The following KIF18A variants were observed in gnomAD, a reference collection of about 807,000 sequenced individuals.
The protein encoded by KIF18A is kinesin family member 18A.
KIF18A carries 67 observed loss-of-function variants against 103.3 expected under a neutral mutation model. The observed-to-expected ratio is 0.65, with a 90% confidence interval of 0.53 to 0.79. KIF18A has a LOEUF of 0.79. Among genes scored for constraint, KIF18A ranks in the 30% least tolerant of loss-of-function variants. KIF18A has a pLI of 0.00. For synonymous variants in KIF18A, 367 were observed against 355.5 expected, an observed-to-expected ratio of 1.03 and a Z score of -0.36; for missense variants, 1,032 against 1,062.5, an observed-to-expected ratio of 0.97 and a Z score of 0.40.
chr11:28,082,894 CTTT>C lies in KIF18A; in HGVS notation c.1221_1223del (p.Lys408del). On this transcript the variant is annotated inframe_deletion, in exon 9 of 17. Coordinates refer to ENST00000263181, the MANE Select transcript of KIF18A (RefSeq NM_031217.4). ...TTTCCTGAGGGTTTGAAATCATTAACTTTGCTTGGTCATTTTCATTAGTGAAGG... is the reference window on the plus strand; with the variant it reads ...TTTCCTGAGGGTTTGAAATCATTAACGCTTGGTCATTTTCATTAGTGAAGG... 6.2e-7 allele frequency: 1 copy of C among 1,604,998 alleles called. No individual in the cohort carries two copies. The highest frequency in any genetic ancestry group is 8.5e-7 in the Non-Finnish European group (1 of 1,174,668).
chr11:28,091,991 AT>A (rs1851311175), intron 3 of KIF18A, among the ~76,000 whole-genome samples: 1 of 151,876 alleles, frequency 6.6e-6, no homozygotes, highest in Non-Finnish European at 1.5e-5. Context: ...AATTTTTTGT[AT>A]TTTTAGTGGA....
At chr11:28,084,200 T>G (rs1054653482) in intron 7 of KIF18A, 1 of 152,108 alleles carries the variant, frequency 6.6e-6, no homozygotes, top group East Asian at 1.9e-4. Flanking sequence ...ATTTTACAGA[T>G]GAAATAATAG....
intron 13 of KIF18A, among the ~76,000 whole-genome samples, chr11:28,051,390 C>G (rs544041482): frequency 6.6e-6 from 1 of 151,966 alleles, no homozygotes; most frequent in South Asian, 2.1e-4. Flanking sequence ...TATATGACTA[C>G]TTACTGTACA....
chr11:28,037,576 T>C (rs552003578), intron 13 of KIF18A, among the ~76,000 whole-genome samples: 2 of 151,660 alleles, frequency 1.3e-5, no homozygotes, highest in Admixed American at 1.3e-4. Context: ...TCAACTTGCC[T>C]GTCCCCAGGA....
chr11:28,031,894 GA>G (rs528085955), intron 15 of KIF18A, among the ~76,000 whole-genome samples: 182 of 151,774 alleles, frequency 1.2e-3, no homozygotes, highest in African/African-American at 4.1e-3. Context: ...AATCAGACAA[GA>G]GAAAGAAAAG....
At chr11:28,032,747 C>T (rs1850427543) in intron 15 of KIF18A, among the ~76,000 whole-genome samples, 1 of 151,630 alleles carries the variant, frequency 6.6e-6, no homozygotes, top group Admixed American at 6.6e-5. Flanking sequence ...AATTTAAGAC[C>T]TCAAACTATG....
chr11:28,090,604 A>T lies in KIF18A; in HGVS notation c.699+13T>A. ...AATCCAATTTTAAGAGTGATAGTCT[A>T]GTGGCCTCTTACTTGGAAAACAGCA... On this transcript the variant is annotated intron_variant, in intron 5 of 16. Coordinates refer to ENST00000263181, the MANE Select transcript of KIF18A (RefSeq NM_031217.4). 7.7e-7 allele frequency: 1 copy of T among 1,298,252 alleles called. No individual in the cohort carries two copies. The highest frequency in any genetic ancestry group is 1.1e-6 in the Non-Finnish European group (1 of 895,704). 80.4% of individuals were successfully genotyped at this position (1,298,252 alleles called of 1,614,324 possible). A position where few individuals can be genotyped will look rare whatever the true frequency, so the allele number is the denominator to read the frequency against.
At chr11:28,103,764 A>G (rs1420099005) in intron 1 of KIF18A, among the ~76,000 whole-genome samples, 1 of 152,172 alleles carries the variant, frequency 6.6e-6, no homozygotes, top group African/African-American at 2.4e-5. Context: ...CTCCAAGAGA[A>G]ACAACATATT....
At chr11:28,041,296 C>T (rs927331499) in intron 13 of KIF18A, among the ~76,000 whole-genome samples, 1 of 151,670 alleles carries the variant, frequency 6.6e-6, no homozygotes. Context: ...GATGTTTTAA[C>T]TATGATGGCT....
chr11:28,056,161 G>GTTT (rs11389722), intron 13 of KIF18A, among the ~76,000 whole-genome samples: 3 of 141,578 alleles, frequency 2.1e-5, no homozygotes, highest in Admixed American at 7.0e-5. Context: ...AACCATCCAT[G>GTTT]TTTTTTTTTT....
intron 15 of KIF18A, among the ~76,000 whole-genome samples, chr11:28,034,171 G>T (rs773254362): frequency 6.6e-6 from 1 of 151,536 alleles, no homozygotes; most frequent in Non-Finnish European, 1.5e-5. Context: ...TCTATTTGTT[G>T]AAATTATTAC....
intron 7 of KIF18A, among the ~76,000 whole-genome samples, chr11:28,083,730 G>A (rs1042300110): frequency 1.3e-5 from 2 of 152,108 alleles, no homozygotes; most frequent in Non-Finnish European, 2.9e-5. Context: ...ACTGTTTGAT[G>A]TTTGGGTTAC....
intron 12 of KIF18A, among the ~76,000 whole-genome samples, chr11:28,059,414 G>A (rs4523681): frequency 1 from 151,688 of 152,244 alleles, 75,573 homozygotes; most frequent in Non-Finnish European, 1. Context: ...TGCTTTGAGG[G>A]CTAAATGAGT....
At chr11:28,065,358 T>C (rs1017281557) in intron 11 of KIF18A, among the ~76,000 whole-genome samples, 1 of 152,018 alleles carries the variant, frequency 6.6e-6, no homozygotes, top group African/African-American at 2.4e-5. Context: ...GAATTGAGGG[T>C]TAGATTTGGG....
intron 13 of KIF18A, among the ~76,000 whole-genome samples, chr11:28,058,664 A>T (rs74931643): frequency 3.8e-4 from 1 of 2,614 alleles, no homozygotes; most frequent in African/African-American, 1.3e-3. Flanking sequence ...CCTGTCACCA[A>T]AAAAAAAAAA....
chr11:28,091,358 TAA>T (rs1249093228), intron 4 of KIF18A, 49 bp downstream of exon 4: 1 of 966,064 alleles, frequency 1.0e-6, no homozygotes, highest in South Asian at 1.4e-5. Context: ...GAAAATAGCT[TAA>T]TAGTCACATT....
intron 12 of KIF18A, among the ~76,000 whole-genome samples, chr11:28,059,798 T>TAACA (rs1850835690): frequency 1.3e-5 from 2 of 152,102 alleles, no homozygotes; most frequent in African/African-American, 4.8e-5. Flanking sequence ...ACAGATGTTG[T>TAACA]TACTGCTACT....
At chr11:28,083,048 C>A in intron 8 of KIF18A, 80 bp from the exon 9 acceptor site, 5 of 1,449,702 alleles carry the variant, frequency 3.4e-6, no homozygotes, top group Non-Finnish European at 3.7e-6. Flanking sequence ...TAAAAAATAA[C>A]TGAATTAACC....
intron 15 of KIF18A, among the ~76,000 whole-genome samples, chr11:28,028,965 C>A (rs1850359160): frequency 6.6e-6 from 1 of 152,102 alleles, no homozygotes; most frequent in Non-Finnish European, 1.5e-5. Flanking sequence ...TACACCCTCC[C>A]AAGACTAAAC....
Sources: gnomAD v4.1 joint callset for allele counts (sites outside exome capture counted in the v4.1 genomes callset) on GRCh38, gnomAD v4.1.1 for gene constraint, MANE v1.5 for transcripts, NCBI Gene and HGNC (gene_info 2026-07-23, HGNC 2026-07-21) for gene names.